RAB27B: variants seen among roughly 807,000 people sequenced by gnomAD.
The protein encoded by RAB27B is ras-related protein Rab-27B.
Under a neutral mutation model 24.6 loss-of-function variants are expected in RAB27B, and 15 were observed. That is an observed-to-expected ratio of 0.61 (90% CI 0.41 to 0.94). The LOEUF (loss-of-function observed/expected upper bound fraction) is 0.94, where lower values mean the gene tolerates loss of function less well. Ranked by LOEUF, RAB27B falls within the 40% of genes least tolerant of loss-of-function variation. RAB27B has a pLI of 0.00. For synonymous variants in RAB27B, 105 were observed against 92.5 expected (o/e 1.14, Z -0.78); for missense variants, 261 against 266.8 (o/e 0.98, Z 0.15).
chr18:54,861,549 T>C (rs1912009450), intron 1 of RAB27B, among the ~76,000 whole-genome samples: 1 of 152,136 alleles, frequency 6.6e-6, no homozygotes, highest in South Asian at 2.1e-4. Flanking sequence ...TAGGAAAAGA[T>C]ATGTCTTTAT....
At chr18:54,829,901 A>G (rs772449610) in intron 1 of RAB27B, among the ~76,000 whole-genome samples, 1 of 152,218 alleles carries the variant, frequency 6.6e-6, no homozygotes, top group Non-Finnish European at 1.5e-5. Context: ...GCAAGAGGTG[A>G]TTCCTACCAA....
intron 2 of RAB27B, among the ~76,000 whole-genome samples, chr18:54,799,161 CATT>C (rs1909517926): frequency 1.3e-5 from 2 of 152,048 alleles, no homozygotes; most frequent in Admixed American, 1.3e-4. Context: ...AATTGTGACT[CATT>C]AACTTCCAAA....
At chr18:54,859,784 A>G (rs988073552) in intron 1 of RAB27B, among the ~76,000 whole-genome samples, 1 of 152,238 alleles carries the variant, frequency 6.6e-6, no homozygotes, top group Non-Finnish European at 1.5e-5. Context: ...AACGTGGTCA[A>G]TCGATTAGGT....
intron 2 of RAB27B, among the ~76,000 whole-genome samples, chr18:54,788,052 G>A (rs1909143206): frequency 6.6e-6 from 1 of 152,164 alleles, no homozygotes; most frequent in South Asian, 2.1e-4. Context: ...GTACATCAAT[G>A]TTTTTGGTAT....
intron 2 of RAB27B, among the ~76,000 whole-genome samples, chr18:54,758,060 G>T (rs577185981): frequency 1.5e-4 from 23 of 152,086 alleles, no homozygotes; most frequent in African/African-American, 5.5e-4. Flanking sequence ...TTGAGTATTA[G>T]GTGTAAGATC....
intron 2 of RAB27B, among the ~76,000 whole-genome samples, chr18:54,815,813 G>A (rs543811205): frequency 2.0e-5 from 3 of 151,972 alleles, no homozygotes; most frequent in South Asian, 2.1e-4. Context: ...TAGTATAGAC[G>A]GGGTTTCTCC....
chr18:54,758,439 A>G (rs1342062342), intron 2 of RAB27B, among the ~76,000 whole-genome samples: 4 of 152,194 alleles, frequency 2.6e-5, no homozygotes, highest in Non-Finnish European at 5.9e-5. Flanking sequence ...GCAGTACAAA[A>G]TTTAATAAGA....
intron 2 of RAB27B, among the ~76,000 whole-genome samples, chr18:54,753,497 G>A (rs1161272134): frequency 6.6e-6 from 1 of 152,140 alleles, no homozygotes; most frequent in Non-Finnish European, 1.5e-5. Context: ...ACCCATCTCA[G>A]TGGTAAACAG....
At chr18:54,743,336 A>T (rs1300922618) in intron 2 of RAB27B, among the ~76,000 whole-genome samples, 3 of 152,206 alleles carry the variant, frequency 2.0e-5, no homozygotes, top group African/African-American at 7.2e-5. Flanking sequence ...TATGAATCAG[A>T]TCCTCTTCTA....
intron 2 of RAB27B, among the ~76,000 whole-genome samples, chr18:54,720,732 G>A (rs1033434568): frequency 6.6e-6 from 1 of 152,036 alleles, no homozygotes; most frequent in African/African-American, 2.4e-5. Flanking sequence ...AGGGACCAAT[G>A]GTAGACCTGT....
chr18:54,875,005 T>C (rs1912635951), intron 1 of RAB27B, among the ~76,000 whole-genome samples: 2 of 152,120 alleles, frequency 1.3e-5, no homozygotes, highest in African/African-American at 4.8e-5. Context: ...AGCAGCAACA[T>C]ATTCAATGAT....
At chr18:54,727,942 G>A (rs1466301810) in intron 2 of RAB27B, among the ~76,000 whole-genome samples, 1 of 152,052 alleles carries the variant, frequency 6.6e-6, no homozygotes, top group African/African-American at 2.4e-5. Context: ...CACACTCCAC[G>A]CTACAGCTCC....
In RAB27B at chr18:54,888,751, G is replaced by A. The variant is rs146285298; in HGVS notation, c.468-473G>A. Among the ~76,000 whole-genome samples, 159 of 152,228 alleles carry A rather than the reference G, an allele frequency of 1.0e-3. 1 individual carries two copies. The highest frequency in any genetic ancestry group is 3.6e-3 in the African/African-American group (150 of 41,536). On this transcript the variant is annotated intron_variant, in intron 5 of 5. Transcript: ENST00000262094. ...TATGGAAGAATTCTCCCTAAAAGCT[G>A]TACAATTTACACGTCTTTCTTGAAA... is the stretch of plus-strand genomic sequence containing the variant.
chr18:54,792,068 C>A (rs1232164364), intron 2 of RAB27B, among the ~76,000 whole-genome samples: 3 of 152,184 alleles, frequency 2.0e-5, no homozygotes, highest in Non-Finnish European at 4.4e-5. Context: ...ACAGAAAGCC[C>A]TCTGTCCTGG....
chr18:54,754,478 A>G (rs1214036506), intron 2 of RAB27B, among the ~76,000 whole-genome samples: 1 of 152,226 alleles, frequency 6.6e-6, no homozygotes, highest in Non-Finnish European at 1.5e-5. Flanking sequence ...TAGTGCAGAA[A>G]GGAATTCAAG....
upstream of RAB27B, among the ~76,000 whole-genome samples, chr18:54,824,541 C>T (rs543172630): frequency 3.3e-5 from 5 of 152,230 alleles, no homozygotes; most frequent in African/African-American, 1.2e-4. Context: ...TAGAGCTCTT[C>T]GTTGGTTCTT....
intron 2 of RAB27B, among the ~76,000 whole-genome samples, chr18:54,817,764 A>G (rs907316923): frequency 1.3e-5 from 2 of 151,842 alleles, no homozygotes; most frequent in South Asian, 4.2e-4. Context: ...AGATCTCATA[A>G]GAATCACCAG....
intron 2 of RAB27B, among the ~76,000 whole-genome samples, chr18:54,756,945 C>T (rs1386398532): frequency 1.3e-5 from 2 of 152,058 alleles, no homozygotes; most frequent in Non-Finnish European, 2.9e-5. Flanking sequence ...AACAGATCAA[C>T]CAAAGCTATT....
intron 2 of RAB27B, among the ~76,000 whole-genome samples, chr18:54,739,274 G>A (rs1909996729): frequency 6.6e-6 from 1 of 151,776 alleles, no homozygotes; most frequent in South Asian, 2.1e-4. Context: ...GGCCAACATG[G>A]TGAAACCCCA....
Sources: gnomAD v4.1 joint callset for allele counts (sites outside exome capture counted in the v4.1 genomes callset) on GRCh38, gnomAD v4.1.1 for gene constraint, MANE v1.5 for transcripts, NCBI Gene and HGNC (gene_info 2026-07-23, HGNC 2026-07-21) for gene names.